The following CCDC7 variants were observed in gnomAD, a reference collection of about 807,000 sequenced individuals.
The protein encoded by CCDC7 is coiled-coil domain-containing protein 7.
A neutral mutation model predicts 196.9 loss-of-function variants in CCDC7; 183 were observed. That is an observed-to-expected ratio of 0.93 (90% CI 0.82 to 1.05). CCDC7 has a LOEUF of 1.05. Among genes scored for constraint, CCDC7 ranks in the 50% least tolerant of loss-of-function variants. The pLI is 0.00. For synonymous variants in CCDC7, 525 were observed against 484.6 expected (o/e 1.08, Z -1.10); for missense variants, 1,540 against 1,482.2 (o/e 1.04, Z -0.64).
chr10:32,721,388 G>A (rs779825205), intron 25 of CCDC7, among the ~76,000 whole-genome samples: 1 of 152,254 alleles, frequency 6.6e-6, no homozygotes, highest in Non-Finnish European at 1.5e-5. Flanking sequence ...CAAAGAAGTT[G>A]CTGAGACCTA....
chr10:32,534,471 A>G (rs2050160233), intron 11 of CCDC7, among the ~76,000 whole-genome samples: 2 of 151,936 alleles, frequency 1.3e-5, no homozygotes, highest in Non-Finnish European at 2.9e-5. Context: ...TCTTGTGGGT[A>G]TATGCCTGTG....
At chr10:32,874,647 A>ATG (rs1385337098) in intron 41 of CCDC7, among the ~76,000 whole-genome samples, 3 of 149,520 alleles carry the variant, frequency 2.0e-5, no homozygotes. Context: ...TATTCCATGC[A>ATG]TGTGTGTATG....
upstream of CCDC7, among the ~76,000 whole-genome samples, chr10:32,446,933 C>CCTTCCCCAT (rs1564594334): frequency 1.9e-5 from 1 of 52,366 alleles, no homozygotes; most frequent in Non-Finnish European, 5.7e-5. Context: ...TTCCTTCCTT[C>CCTTCCCCAT]CCCTCTTCCC....
intron 37 of CCDC7, 119 bp from the exon 39 acceptor site, chr10:32,847,714 C>CT: frequency 1.6e-6 from 1 of 617,202 alleles, no homozygotes; most frequent in South Asian, 2.1e-5. Flanking sequence ...GATCCTGTCT[C>CT]TAAAAAAAAA....
chr10:32,458,898 AT>A (rs2034972448), intron 3 of CCDC7, among the ~76,000 whole-genome samples: 1 of 152,240 alleles, frequency 6.6e-6, no homozygotes, highest in South Asian at 2.1e-4. Context: ...CAGTATTAAT[AT>A]TAATTCTTCT....
At chr10:32,638,918 G>C (rs1190668004) in intron 20 of CCDC7, among the ~76,000 whole-genome samples, 2 of 152,076 alleles carry the variant, frequency 1.3e-5, no homozygotes, top group African/African-American at 2.4e-5. Context: ...GCCTGTTATT[G>C]GTCTATTCAG....
intron 9 of CCDC7, chr10:32,512,273 A>G (rs963219072): frequency 6.5e-6 from 1 of 153,750 alleles, no homozygotes; most frequent in Non-Finnish European, 1.4e-5. Flanking sequence ...TACCTGAATC[A>G]TGTGGTCTGG....
intron 20 of CCDC7, among the ~76,000 whole-genome samples, chr10:32,638,980 T>C (rs1026422814): frequency 2.0e-5 from 3 of 152,218 alleles, no homozygotes; most frequent in Admixed American, 6.5e-5. Flanking sequence ...TTTTGAAGAA[T>C]TTATCCATTT....
At chr10:32,634,014 AT>A (rs2065257100) in intron 18 of CCDC7, among the ~76,000 whole-genome samples, 1 of 151,628 alleles carries the variant, frequency 6.6e-6, no homozygotes, top group Non-Finnish European at 1.5e-5. Context: ...CATTTTTTCT[AT>A]TTTTGTTTAT....
chr10:32,562,827 G>A (rs541508346), intron 13 of CCDC7, among the ~76,000 whole-genome samples: 1 of 152,168 alleles, frequency 6.6e-6, no homozygotes, highest in South Asian at 2.1e-4. Context: ...GGAAATAAAG[G>A]GTATTCAGTT....
At chr10:32,559,455 G>A (rs912466211) in intron 13 of CCDC7, among the ~76,000 whole-genome samples, 1 of 152,176 alleles carries the variant, frequency 6.6e-6, no homozygotes, top group East Asian at 1.9e-4. Flanking sequence ...TCACACGGCC[G>A]GGTACTCCTC....
intron 31 of CCDC7, among the ~76,000 whole-genome samples, chr10:32,818,808 C>T (rs2089459808): frequency 6.6e-6 from 1 of 152,062 alleles, no homozygotes; most frequent in Non-Finnish European, 1.5e-5. Context: ...GGGACACATT[C>T]AAAGCAGTGT....
intron 20 of CCDC7, among the ~76,000 whole-genome samples, chr10:32,647,544 TG>T (rs1469306387): frequency 7.7e-6 from 1 of 129,930 alleles, no homozygotes; most frequent in Non-Finnish European, 1.7e-5. Flanking sequence ...TGGTGTGAGA[TG>T]GTATCTCATT....
At chr10:32,642,915 A>G (rs1191922760) in intron 20 of CCDC7, among the ~76,000 whole-genome samples, 1 of 152,260 alleles carries the variant, frequency 6.6e-6, no homozygotes, top group Admixed American at 6.5e-5. Flanking sequence ...AAGACTCAGC[A>G]GTAAATGTAA....
At chr10:32,533,236 A>C (rs1210757152) in intron 11 of CCDC7, among the ~76,000 whole-genome samples, 1 of 87,304 alleles carries the variant, frequency 1.1e-5, no homozygotes, top group Admixed American at 1.5e-4. Flanking sequence ...AAAAGAATAG[A>C]AACAAAGGAA....
chr10:32,871,063 TG>T (rs1418173230), intron 41 of CCDC7, among the ~76,000 whole-genome samples: 2 of 151,980 alleles, frequency 1.3e-5, no homozygotes, highest in South Asian at 2.1e-4. Flanking sequence ...TCTCTTTTTT[TG>T]TTTTGTTGTG....
Position 32,518,415 on chromosome 10 carries a change from G to T in CCDC7, c.904-1G>T. The T allele has an allele frequency of 1.3e-6, 2 of 1,587,334 alleles. No individual in the cohort carries two copies. The highest frequency in any genetic ancestry group is 8.5e-7 in the Non-Finnish European group (1 of 1,170,088). ...TTATTACTAAAATTATTTGTTTTTA[G>T]GAATACAAACAGATGCAGTGTGATT... On this transcript the variant is annotated splice_acceptor_variant, in intron 10 of 41. Transcript: ENST00000639629. LOFTEE classifies it high-confidence loss of function.
intron 8 of CCDC7, among the ~76,000 whole-genome samples, chr10:32,483,605 C>A (rs2040411044): frequency 6.6e-6 from 1 of 152,164 alleles, no homozygotes; most frequent in South Asian, 2.1e-4. Flanking sequence ...CCTAGGTTTT[C>A]TTCTAGGGTT....
intron 41 of CCDC7, among the ~76,000 whole-genome samples, chr10:32,858,454 AAAC>A (rs1162522490): frequency 4.6e-5 from 7 of 152,296 alleles, no homozygotes; most frequent in Admixed American, 1.3e-4. Flanking sequence ...ACTTAATTGA[AAAC>A]AACAACAAAA....
Sources: allele counts gnomAD v4.1 joint callset (sites outside exome capture counted in the v4.1 genomes callset), GRCh38; gene constraint gnomAD v4.1.1; transcripts MANE v1.5; gene names NCBI Gene and HGNC (gene_info 2026-07-23, HGNC 2026-07-21).